The following SCP2 variants were observed in gnomAD, a reference collection of about 807,000 sequenced individuals.
The protein encoded by SCP2 is sterol carrier protein 2.
A neutral mutation model predicts 71.4 loss-of-function variants in SCP2; 48 were observed. The ratio of observed to expected loss-of-function variants is 0.67; its 90% CI spans 0.53 to 0.86. The LOEUF (loss-of-function observed/expected upper bound fraction) is 0.86, where lower values mean the gene tolerates loss of function less well. Among genes scored for constraint, SCP2 ranks in the 40% least tolerant of loss-of-function variants. The pLI, the probability that SCP2 is intolerant of heterozygous loss-of-function variation, is 0.00. For synonymous variants in SCP2, 220 were observed against 218.1 expected (o/e 1.01, Z -0.08); for missense variants, 560 against 655.6 (o/e 0.85, Z 1.59).
intron 3 of SCP2, among the ~76,000 whole-genome samples, chr1:52,948,379 C>G (rs544334172): frequency 1.2e-4 from 19 of 152,296 alleles, no homozygotes; most frequent in African/African-American, 4.3e-4. Context: ...GGCACTGTGG[C>G]TCACGCCTAT....
intron 7 of SCP2, 39 bp from the exon 8 acceptor site, chr1:52,976,644 T>A: frequency 1.0e-6 from 1 of 990,558 alleles, no homozygotes. Flanking sequence ...TTACAGTTGC[T>A]ATCTCACATT....
At chr1:52,952,346 TC>T (rs1482300582) in intron 4 of SCP2, among the ~76,000 whole-genome samples, 1 of 152,106 alleles carries the variant, frequency 6.6e-6, no homozygotes, top group African/African-American at 2.4e-5. Flanking sequence ...TATGGATATA[TC>T]ACATTAAAAA....
intron 6 of SCP2, among the ~76,000 whole-genome samples, chr1:52,964,287 C>T (rs867497703): frequency 2.0e-5 from 3 of 150,204 alleles, no homozygotes; most frequent in Non-Finnish European, 3.0e-5. Context: ...CTGCAAGCTC[C>T]GCCTCCTGGG....
At chr1:53,041,815 A>G (rs972364358) in intron 14 of SCP2, among the ~76,000 whole-genome samples, 4 of 152,188 alleles carry the variant, frequency 2.6e-5, no homozygotes, top group Non-Finnish European at 5.9e-5. Flanking sequence ...AAAGGATGAC[A>G]TCGGGAGCAC....
In SCP2 at chr1:53,039,285, T is replaced by C. The variant is rs559868587; in HGVS notation, c.1468+239T>C. 2.0e-5 allele frequency among the ~76,000 whole-genome samples: 3 copies of C among 152,378 alleles called. No individual in the cohort carries two copies. The East Asian group carries it at 5.8e-4, about 29-fold the overall frequency. ...TAGGCAAACTTGGGTTGGAGTCCCA[T>C]CCATGCCATTCACATAATGTGACCT... On this transcript the variant is annotated intron_variant, in intron 14 of 15. Transcript: ENST00000371514.
intron 7 of SCP2, among the ~76,000 whole-genome samples, chr1:52,975,828 G>A (rs1388211599): frequency 6.6e-6 from 1 of 152,108 alleles, no homozygotes; most frequent in African/African-American, 2.4e-5. Context: ...GAAGCGCCTA[G>A]GAGTTAATGC....
chr1:52,935,847 A>C (rs1246272098), intron 1 of SCP2, among the ~76,000 whole-genome samples: 1 of 152,096 alleles, frequency 6.6e-6, no homozygotes, highest in East Asian at 1.9e-4. Flanking sequence ...CTGAGGCAGG[A>C]GGATTGCTCG....
At chr1:53,030,908 T>TAA (rs59298380) in intron 13 of SCP2, among the ~76,000 whole-genome samples, 5 of 75,930 alleles carry the variant, frequency 6.6e-5, no homozygotes, top group African/African-American at 1.0e-4. Context: ...TCAAAAAAAT[T>TAA]AAAAAAAAAA....
intron 12 of SCP2, among the ~76,000 whole-genome samples, chr1:53,026,681 G>A (rs2150244161): frequency 6.6e-6 from 1 of 152,258 alleles, no homozygotes; most frequent in African/African-American, 2.4e-5. Flanking sequence ...ATGGTGGCAT[G>A]CGCCTATAGT....
At position 52,950,900 on chromosome 1, in the gene SCP2, G is replaced by A. The variant is rs1231816340; in HGVS notation, c.331+14G>A. ...TGATTCAGGGTGGTAAGGAGTGCTTGTCTAGTGTACTTAAATATTGCCCCA... is the reference window on the plus strand; with the variant it reads ...TGATTCAGGGTGGTAAGGAGTGCTTATCTAGTGTACTTAAATATTGCCCCA... On this transcript the variant is annotated intron_variant, in intron 4 of 15. Transcript: ENST00000371514. 1.2e-6 allele frequency: 2 copies of A among 1,612,962 alleles called. No homozygotes were observed. Among genetic ancestry groups the A allele is most frequent in the Non-Finnish European group, 1.7e-6 (2 of 1,179,106 alleles).
chr1:53,001,534 C>G (rs1572169727), intron 11 of SCP2, among the ~76,000 whole-genome samples: 2 of 152,112 alleles, frequency 1.3e-5, no homozygotes, highest in African/African-American at 4.8e-5. Context: ...ATTTTCATAT[C>G]GATTTTTCTC....
At chr1:53,037,016 A>T (rs1318392608) in intron 13 of SCP2, among the ~76,000 whole-genome samples, 1 of 152,030 alleles carries the variant, frequency 6.6e-6, no homozygotes, top group Non-Finnish European at 1.5e-5. Flanking sequence ...CGTGTGCTGT[A>T]GTCCCAGCTA....
intron 13 of SCP2, among the ~76,000 whole-genome samples, chr1:53,037,275 TG>T (rs1342687347): frequency 6.6e-6 from 1 of 152,248 alleles, no homozygotes; most frequent in African/African-American, 2.4e-5. Context: ...AGGTTGCTCT[TG>T]TTTCTTTTAA....
chr1:53,023,202 C>T (rs758073335), intron 12 of SCP2, among the ~76,000 whole-genome samples: 4 of 152,126 alleles, frequency 2.6e-5, no homozygotes, highest in Non-Finnish European at 4.4e-5. Context: ...GTTGGTTCAT[C>T]ACTAACTTCA....
At chr1:52,951,722 CT>C (rs928545840) in intron 4 of SCP2, among the ~76,000 whole-genome samples, 117 of 145,380 alleles carry the variant, frequency 8.0e-4, no homozygotes, top group Admixed American at 7.6e-4. Flanking sequence ...AATATTAGAA[CT>C]TTTTTTTTTT....
intron 5 of SCP2, among the ~76,000 whole-genome samples, chr1:52,961,232 C>T (rs1656415505): frequency 6.6e-6 from 1 of 151,762 alleles, no homozygotes; most frequent in South Asian, 2.1e-4. Flanking sequence ...CCCCCCAACC[C>T]CCACCCCACA....
intron 8 of SCP2, 123 bp downstream of exon 8, chr1:52,976,892 C>G: frequency 3.0e-6 from 2 of 671,742 alleles, no homozygotes. Context: ...CTCCCAGTGC[C>G]GTCCCCACTC....
intron 6 of SCP2, among the ~76,000 whole-genome samples, chr1:52,973,617 A>C (rs1281422329): frequency 6.6e-6 from 1 of 152,156 alleles, no homozygotes; most frequent in African/African-American, 2.4e-5. Context: ...GCTGTCACCT[A>C]GGCTGGAGTG....
At chr1:52,993,742 A>C (rs1361640439) in intron 11 of SCP2, 5 of 1,604,828 alleles carry the variant, frequency 3.1e-6, no homozygotes, top group Admixed American at 3.3e-5. Flanking sequence ...ATATGATTGA[A>C]GACTCCTGCA....
Sources: allele counts gnomAD v4.1 joint callset (sites outside exome capture counted in the v4.1 genomes callset), GRCh38; gene constraint gnomAD v4.1.1; transcripts MANE v1.5; gene names NCBI Gene and HGNC (gene_info 2026-07-23, HGNC 2026-07-21).